The following SYT14 variants were observed in gnomAD, a reference collection of about 807,000 sequenced individuals.
SYT14 encodes synaptotagmin 14.
SYT14 carries 32 observed loss-of-function variants against 74.2 expected under a neutral mutation model. That is an observed-to-expected ratio of 0.43 (90% CI 0.33 to 0.58). The LOEUF (loss-of-function observed/expected upper bound fraction) is 0.58. SYT14 is among the 20% of genes least tolerant of loss of function. SYT14 has a pLI of 0.05. For synonymous variants in SYT14, 298 were observed against 337.7 expected, an observed-to-expected ratio of 0.88 and a Z score of 1.29; for missense variants, 791 against 981.8, an observed-to-expected ratio of 0.81 and a Z score of 2.60.
At chr1:209,989,302 A>G (rs2079624340) in intron 2 of SYT14, among the ~76,000 whole-genome samples, 1 of 152,224 alleles carries the variant, frequency 6.6e-6, no homozygotes, top group Admixed American at 6.5e-5. Context: ...GGGAAATTAC[A>G]CAGGAACTGA....
chr1:210,163,580 AT>A, exon 10 of SYT14: 1 of 453,264 alleles, frequency 2.2e-6, no homozygotes, highest in Non-Finnish European at 4.4e-6. Context: ...ATTTAGGATT[AT>A]TTTTCTCCTC....
chr1:209,938,218 T>G, exon 1 of SYT14: 3 of 1,512,780 alleles, frequency 2.0e-6, no homozygotes, highest in East Asian at 5.6e-5. Flanking sequence ...AGCCCTCGCG[T>G]CTGCTGCCCC....
At chr1:210,151,986 A>C (rs1204388558) in intron 7 of SYT14, among the ~76,000 whole-genome samples, 1 of 152,206 alleles carries the variant, frequency 6.6e-6, no homozygotes, top group Middle Eastern at 3.2e-3. Context: ...GAAAAATACT[A>C]TATTGTGAAA....
chr1:210,074,154 C>T lies in SYT14; in HGVS notation c.1313-20168C>T, dbSNP rs1441878565. 2.0e-5 allele frequency among the ~76,000 whole-genome samples: 3 copies of T among 152,154 alleles called. No individual in the cohort carries two copies. The East Asian group carries it at 5.8e-4, about 29-fold the overall frequency. On this transcript the variant is annotated intron_variant, in intron 5 of 9. Transcript: ENST00000637265. ...GAGCCTCACCTACCTCAGGGGGTTA[C>T]TGTATTGATTAATGCTAATATGATC...
intron 5 of SYT14, among the ~76,000 whole-genome samples, chr1:210,072,943 G>A (rs1177276842): frequency 6.6e-6 from 1 of 150,826 alleles, no homozygotes; most frequent in Non-Finnish European, 1.5e-5. Context: ...GAATTATGAT[G>A]GATAAAAGAT....
At chr1:210,000,763 G>A (rs939801870) in intron 2 of SYT14, among the ~76,000 whole-genome samples, 1 of 151,560 alleles carries the variant, frequency 6.6e-6, no homozygotes, top group Non-Finnish European at 1.5e-5. Context: ...AGAGGCGCCT[G>A]CCACCGCGCC....
intron 7 of SYT14, among the ~76,000 whole-genome samples, chr1:210,122,618 A>G (rs77377278): frequency 4.0e-5 from 5 of 126,158 alleles, no homozygotes; most frequent in South Asian, 2.4e-4. Flanking sequence ...TTTTTTTTTT[A>G]CAATTCTTTT....
intron 5 of SYT14, among the ~76,000 whole-genome samples, chr1:210,045,738 TAATA>T (rs1232891187): frequency 6.6e-6 from 1 of 152,166 alleles, no homozygotes; most frequent in Non-Finnish European, 1.5e-5. Flanking sequence ...GAAATATTAG[TAATA>T]AATGAGTAAA....
chr1:210,051,561 T>C (rs1300858358), intron 5 of SYT14, among the ~76,000 whole-genome samples: 1 of 152,000 alleles, frequency 6.6e-6, no homozygotes, highest in East Asian at 1.9e-4. Context: ...GTTTCTGGCT[T>C]ATCATTCCTG....
At chr1:210,158,128 T>G (rs1479714887) in intron 8 of SYT14, among the ~76,000 whole-genome samples, 1 of 152,232 alleles carries the variant, frequency 6.6e-6, no homozygotes, top group Non-Finnish European at 1.5e-5. Flanking sequence ...ATTGTTCCCT[T>G]TCTCATTTCA....
intron 5 of SYT14, among the ~76,000 whole-genome samples, chr1:210,067,111 A>G (rs949998804): frequency 1.3e-5 from 2 of 151,966 alleles, no homozygotes; most frequent in African/African-American, 2.4e-5. Context: ...GACCATACAC[A>G]TATGGTTTTG....
intron 2 of SYT14, among the ~76,000 whole-genome samples, chr1:209,961,590 C>T (rs73066498): frequency 0.14 from 20,899 of 152,044 alleles, 4,493 homozygotes; most frequent in African/African-American, 0.46. Context: ...CACAAGACTT[C>T]TCTGAGGATC....
At chr1:210,060,208 C>G (rs2081183194) in intron 5 of SYT14, among the ~76,000 whole-genome samples, 1 of 152,092 alleles carries the variant, frequency 6.6e-6, no homozygotes, top group African/African-American at 2.4e-5. Flanking sequence ...AAACTATTAC[C>G]TTAGGCATGT....
chr1:209,970,662 C>CTTTT lies in SYT14; in HGVS notation c.-486+17942_-486+17945dup, dbSNP rs35639848. ...TTACAGATTGCTTTGGGCAGTATGG[C>CTTTT]TTTTTTTTTTTTTTTTTTTTTTTTT... On this transcript the variant is annotated intron_variant, in intron 2 of 9. Coordinates refer to ENST00000637265, the Ensembl canonical transcript of SYT14. Among the ~76,000 whole-genome samples, 71 of 62,804 alleles carry CTTTT rather than the reference C, an allele frequency of 1.1e-3. 14 individuals carry two copies. Among genetic ancestry groups the CTTTT allele is most frequent in the East Asian group, 2.4e-3 (3 of 1,248 alleles). The allele number at this position is 62,804 out of a possible 152,430, so 41.2% of individuals were successfully genotyped here. A position where few individuals can be genotyped will look rare whatever the true frequency, so the allele number is the denominator to read the frequency against.
chr1:209,945,515 C>T (rs1188344526), intron 1 of SYT14, among the ~76,000 whole-genome samples: 2 of 152,130 alleles, frequency 1.3e-5, no homozygotes, highest in Non-Finnish European at 2.9e-5. Context: ...GTGTAGGTGT[C>T]TGCATAAGGA....
At chr1:210,167,468 T>C (rs1042863604) in exon 10 of SYT14, 3 of 152,234 alleles carry the variant, frequency 2.0e-5, no homozygotes, top group Non-Finnish European at 2.9e-5. Context: ...GTGGATAAGG[T>C]ACATCTGAGT....
At chr1:210,013,767 A>G (rs757099057) in exon 3 of SYT14, 1 of 1,610,940 alleles carries the variant, frequency 6.2e-7, no homozygotes. Context: ...TTCAGAATAC[A>G]GTACAAGGAA....
chr1:210,159,035 T>C (rs1419820479), intron 8 of SYT14, among the ~76,000 whole-genome samples: 1 of 152,120 alleles, frequency 6.6e-6, no homozygotes, highest in Non-Finnish European at 1.5e-5. Flanking sequence ...ATTAAATTGA[T>C]ACATTTTAAA....
chr1:209,969,390 C>A (rs2079208770), intron 2 of SYT14, among the ~76,000 whole-genome samples: 1 of 152,054 alleles, frequency 6.6e-6, no homozygotes, highest in Non-Finnish European at 1.5e-5. Flanking sequence ...CCTTTTTCTG[C>A]AGCCTCACCA....
Sources: gnomAD v4.1 joint callset for allele counts (sites outside exome capture counted in the v4.1 genomes callset) on GRCh38, gnomAD v4.1.1 for gene constraint, MANE v1.5 for transcripts, NCBI Gene and HGNC (gene_info 2026-07-23, HGNC 2026-07-21) for gene names.